The following PCDHA6 variants were observed in gnomAD, a reference collection of about 807,000 sequenced individuals.
The protein encoded by PCDHA6 is protocadherin alpha-6.
In PCDHA6, 55 loss-of-function variants were observed where a neutral mutation model predicts 60.3. The observed-to-expected ratio is 0.91, with a 90% CI of 0.73 to 1.14. The LOEUF (loss-of-function observed/expected upper bound fraction) is 1.14, where lower values mean the gene tolerates loss of function less well. Among genes scored for constraint, PCDHA6 ranks in the 50% most tolerant of loss-of-function variants. PCDHA6 has a pLI of 0.00. For synonymous variants in PCDHA6, 652 were observed against 557.9 expected (o/e 1.17, Z -2.38); for missense variants, 1,327 against 1,256.5 (o/e 1.06, Z -0.85).
intron 1 of PCDHA6, among the ~76,000 whole-genome samples, chr5:140,963,839 G>A (rs566875036): frequency 1.3e-5 from 2 of 152,290 alleles, no homozygotes; most frequent in African/African-American, 2.4e-5. Flanking sequence ...ATTTTCTCAT[G>A]TAATCATAAT....
In PCDHA6 at chr5:140,855,913, A is replaced by G. The variant is rs560286204; in HGVS notation, c.2394+25428A>G. 287 of 1,174,758 alleles carry G rather than the reference A, an allele frequency of 2.4e-4. 22 individuals carry two copies. Among genetic ancestry groups the G allele is most frequent in the Admixed American group, 2.2e-3 (83 of 38,140 alleles). 72.8% of individuals were successfully genotyped at this position (1,174,758 alleles called of 1,614,324 possible). ...AAAGGCATCAGCCAGTTTCTCAAGG[A>G]CTAGGAAGTAGCGTCATTCTGAGAT... On this transcript the variant is annotated intron_variant, in intron 1 of 3. Transcript: ENST00000529310.
In PCDHA6 at chr5:140,828,236, G is replaced by C; in HGVS notation, c.145G>C (p.Ala49Pro). 1.2e-6 allele frequency: 2 copies of C among 1,613,966 alleles called. No homozygotes were observed. The highest frequency in any genetic ancestry group is 1.7e-6 in the Non-Finnish European group (2 of 1,180,046). Residue 49 changes from alanine to proline, a missense_variant, in exon 1 of 4, where the codon GCG becomes CCG. Ala to Pro is a conservative substitution (Grantham distance 27, BLOSUM62 -1). Coordinates refer to ENST00000529310, the MANE Select transcript of PCDHA6 (RefSeq NM_018909.4). ...ACACGGCACCTTCGTGGGCCGGATC[G>C]CGCAGGACCTGGGGCTGGAGCTGGC... ...AKHGTFVGRI[A>P]QDLGLELAEL...
chr5:140,844,328 A>T (rs2150370621), intron 1 of PCDHA6, among the ~76,000 whole-genome samples: 8 of 149,410 alleles, frequency 5.4e-5, no homozygotes, highest in Non-Finnish European at 9.0e-5. Flanking sequence ...TTTATTATAA[A>T]CTAGTTAAAA....
chr5:140,836,758 G>T, intron 1 of PCDHA6: 2 of 1,572,510 alleles, frequency 1.3e-6, no homozygotes, highest in South Asian at 2.4e-5. Flanking sequence ...AAATAATCTT[G>T]TTTCCAACAA....
chr5:141,009,690 T>G lies in PCDHA6; in HGVS notation c.2606T>G (p.Phe869Cys). The G allele has an allele frequency of 6.2e-7, 1 of 1,614,068 alleles. No homozygotes were observed. The highest frequency in any genetic ancestry group is 8.5e-7 in the Non-Finnish European group (1 of 1,180,024). The change falls in exon 4 of 4, where the codon TTT (phenylalanine) becomes TGT (cysteine). Residue 869 changes from phenylalanine to cysteine, a missense_variant. Phe to Cys is a radical substitution (Grantham distance 205). Coordinates refer to ENST00000529310, the MANE Select transcript of PCDHA6 (RefSeq NM_018909.4). ...GGTGTCAACAGCAACAGCTGGACCT[T>G]TAAATACGGACCAGGCAACCCCAAA... ...GAGVNSNSWT[F>C]KYGPGNPKQS...
chr5:140,938,455 T>C (rs1317742854), intron 1 of PCDHA6, among the ~76,000 whole-genome samples: 1 of 152,196 alleles, frequency 6.6e-6, no homozygotes, highest in East Asian at 1.9e-4. Flanking sequence ...TTCCCTTTGT[T>C]TTTTAATTTA....
chr5:140,876,834 G>C (rs1481867678), intron 1 of PCDHA6: 2 of 1,614,042 alleles, frequency 1.2e-6, no homozygotes, highest in Non-Finnish European at 1.7e-6. Context: ...ATGCGCCTGC[G>C]TTCGCGCAGC....
intron 1 of PCDHA6, among the ~76,000 whole-genome samples, chr5:140,875,148 G>T (rs1267290548): frequency 2.0e-5 from 3 of 152,118 alleles, no homozygotes; most frequent in Non-Finnish European, 4.4e-5. Context: ...TAAATGATCC[G>T]TGAAAAATAA....
At chr5:140,892,945 T>C (rs1554185456) in intron 1 of PCDHA6, among the ~76,000 whole-genome samples, 3 of 152,336 alleles carry the variant, frequency 2.0e-5, no homozygotes, top group South Asian at 2.1e-4. Flanking sequence ...AGCACAATAC[T>C]ACTTCCATGA....
Position 140,828,699 on chromosome 5 carries a change from A to G in PCDHA6, c.608A>G (p.Glu203Gly). Reference sequence around the variant, plus strand: ...TTATTAAAGAAATCCTTGGACAGAGAGGAAGCTCCTGCACACAACTTATTC... The same window carrying G: ...TTATTAAAGAAATCCTTGGACAGAGGGGAAGCTCCTGCACACAACTTATTC... ...GLLLKKSLDR[E>G]EAPAHNLFLT... The change falls in exon 1 of 4, where the codon GAG becomes GGG. Residue 203 changes from glutamate (E) to glycine (G), a missense_variant. Glu to Gly is a moderately conservative substitution (Grantham distance 98). Transcript: ENST00000529310. The G allele has an allele frequency of 6.2e-7, 1 of 1,614,250 alleles. No homozygotes were observed. The highest frequency in any genetic ancestry group is 8.5e-7 in the Non-Finnish European group (1 of 1,180,040).
intron 1 of PCDHA6, chr5:140,881,515 A>T (rs574115987): frequency 4.8e-6 from 1 of 207,066 alleles, no homozygotes; most frequent in Admixed American, 6.5e-5. Context: ...CACATACAAA[A>T]TCCCACACAT....
rs80062832 is a variant in PCDHA6 at position 140,889,250 on chromosome 5, C to T, written c.2394+58765C>T. ...AAAACTTCCAGAAAATTTTCTGTTT[C>T]CTGTAAAAGTTTGTATAATCTTTGA... On this transcript the variant is annotated intron_variant, in intron 1 of 3. Transcript: ENST00000529310. Among the ~76,000 whole-genome samples, 79 of 151,798 alleles carry T rather than the reference C, an allele frequency of 5.2e-4. No homozygotes were observed. In the East Asian group the frequency reaches 0.014, roughly 27 times the overall value.
At chr5:140,971,366 G>A (rs1554233245) in intron 1 of PCDHA6, among the ~76,000 whole-genome samples, 1 of 152,186 alleles carries the variant, frequency 6.6e-6, no homozygotes, top group Non-Finnish European at 1.5e-5. Flanking sequence ...TTTGCCAGGA[G>A]AGTGCATGAC....
intron 1 of PCDHA6, among the ~76,000 whole-genome samples, chr5:140,947,661 T>C (rs2094159982): frequency 6.6e-6 from 1 of 151,672 alleles, no homozygotes; most frequent in South Asian, 2.1e-4. Context: ...CTCCATTTAC[T>C]TGGGTCTTTA....
intron 1 of PCDHA6, chr5:140,836,879 C>T: frequency 1.5e-6 from 1 of 674,888 alleles, no homozygotes; most frequent in South Asian, 2.5e-5. Flanking sequence ...TGTATTTGCA[C>T]TAATTATTTG....
chr5:140,889,232 C>T (rs1365146997), intron 1 of PCDHA6, among the ~76,000 whole-genome samples: 6 of 151,736 alleles, frequency 4.0e-5, no homozygotes, highest in African/African-American at 1.4e-4. Context: ...TTGAAAACTT[C>T]CAGAAAATTT....
chr5:140,916,957 T>C (rs1478651535), intron 1 of PCDHA6, among the ~76,000 whole-genome samples: 1 of 152,224 alleles, frequency 6.6e-6, no homozygotes, highest in African/African-American at 2.4e-5. Context: ...TGCTGAGTTC[T>C]GACTGCTGGG....
At chr5:140,877,845 TTATTAA>T in intron 1 of PCDHA6, 3 of 1,555,618 alleles carry the variant, frequency 1.9e-6, no homozygotes, top group Non-Finnish European at 2.6e-6. Context: ...GTGAAGTAAG[TTATTAA>T]TATTATTTAG....
chr5:140,943,729 A>G (rs1215938127), intron 1 of PCDHA6, among the ~76,000 whole-genome samples: 1 of 152,374 alleles, frequency 6.6e-6, no homozygotes, highest in South Asian at 2.1e-4. Context: ...TGAGAGAATG[A>G]AAGTCCACAG....
Sources: allele counts gnomAD v4.1 joint callset (sites outside exome capture counted in the v4.1 genomes callset), GRCh38; gene constraint gnomAD v4.1.1; transcripts MANE v1.5; gene names NCBI Gene and HGNC (gene_info 2026-07-23, HGNC 2026-07-21).